Variants in PRKN observed in about 807,000 individuals in gnomAD.
The protein encoded by PRKN is parkin RBR E3 ubiquitin protein ligase, also known as E3 ubiquitin-protein ligase parkin.
Under a neutral mutation model 59.5 loss-of-function variants are expected in PRKN, and 56 were observed. That is an observed-to-expected ratio of 0.94 (90% CI 0.76 to 1.18). The LOEUF is 1.18. PRKN is among the 50% of genes most tolerant of loss of function. The probability of loss-of-function intolerance (pLI) is 0.00; values close to 1 mark genes in which losing one functional copy is unlikely to be tolerated. For missense variants in PRKN, 657 were observed against 596.4 expected (o/e 1.10, Z -1.06); for synonymous variants, 250 against 222.1 (o/e 1.13, Z -1.12).
At chr6:161,984,967 C>T (rs771500723) in intron 5 of PRKN, among the ~76,000 whole-genome samples, 12 of 152,068 alleles carry the variant, frequency 7.9e-5, no homozygotes, top group Non-Finnish European at 8.8e-5. Flanking sequence ...GAAACTGGAT[C>T]GGGATTACAC....
intron 1 of PRKN, among the ~76,000 whole-genome samples, chr6:162,648,648 C>T (rs1778292792): frequency 6.6e-6 from 1 of 152,176 alleles, no homozygotes; most frequent in African/African-American, 2.4e-5. Flanking sequence ...TCCCAAAGTG[C>T]TGGGATTACA....
chr6:161,356,630 CG>C lies in PRKN; in HGVS notation c.1285+3457del, dbSNP rs983532779. 5.3e-5 allele frequency among the ~76,000 whole-genome samples: 8 copies of C among 151,986 alleles called. No homozygotes were observed. The highest frequency in any genetic ancestry group is 1.9e-4 in the African/African-American group (8 of 41,362). ...AGAGCACGGGGAAGGCCGTGGTGAC[CG>C]GGGATTGAATGCAGGGTGAGGAAGA... On this transcript the variant is annotated intron_variant, in intron 11 of 11. Transcript: ENST00000366898. This position sits in a 1 kb window ranked among gnomAD's most constrained non-coding sequence, Gnocchi z 7.8.
chr6:161,562,841 G>C lies in PRKN; in HGVS notation c.933+6514C>G, dbSNP rs1780507901. Among the ~76,000 whole-genome samples the C allele has an allele frequency of 6.6e-6, 1 of 152,184 alleles. No homozygotes were observed. The highest frequency in any genetic ancestry group is 1.5e-5 in the Non-Finnish European group (1 of 68,034). On this transcript the variant is annotated intron_variant, in intron 8 of 11. Coordinates refer to ENST00000366898, the MANE Select transcript of PRKN (RefSeq NM_004562.3). This position sits in a 1 kb window ranked among gnomAD's most constrained non-coding sequence, Gnocchi z 4.3. ...CCAGAGCCTCTCCATATTGCAACAAGATTGACATACTCAAAATGTAATTTG... is the reference window on the plus strand; with the variant it reads ...CCAGAGCCTCTCCATATTGCAACAACATTGACATACTCAAAATGTAATTTG...
chr6:161,502,762 G>A lies in PRKN; in HGVS notation c.1083+46092C>T, dbSNP rs1019766797. On this transcript the variant is annotated intron_variant, in intron 9 of 11. Transcript: ENST00000366898. This position sits in a 1 kb window ranked among gnomAD's most constrained non-coding sequence, Gnocchi z 4.0. The stretch of plus-strand genomic sequence containing the variant: ...GCAGTGTCGGTGAGGGTATGAGGTG[G>A]CTCTGATCCATGCTCTACGGTGAAT... 2.0e-5 allele frequency among the ~76,000 whole-genome samples: 3 copies of A among 152,142 alleles called. No individual in the cohort carries two copies. Among genetic ancestry groups the A allele is most frequent in the South Asian group, 4.1e-4 (2 of 4,822 alleles).
At chr6:161,649,341 T>C (rs1291359223) in intron 7 of PRKN, among the ~76,000 whole-genome samples, 2 of 152,168 alleles carry the variant, frequency 1.3e-5, no homozygotes, top group African/African-American at 2.4e-5. Flanking sequence ...TTCAACTCAT[T>C]ATTGTCATGA....
At chr6:161,491,588 C>T (rs1004382030) in intron 9 of PRKN, among the ~76,000 whole-genome samples, 1 of 152,064 alleles carries the variant, frequency 6.6e-6, no homozygotes, top group African/African-American at 2.4e-5. Flanking sequence ...CAAATCCCAG[C>T]CATTTCATTT....
chr6:161,977,498 T>C (rs1781075402), intron 5 of PRKN, among the ~76,000 whole-genome samples: 1 of 151,960 alleles, frequency 6.6e-6, no homozygotes, highest in Non-Finnish European at 1.5e-5. Flanking sequence ...ATCTGCCTTT[T>C]GATCTGGAGA....
At chr6:162,205,166 C>T (rs1342901201) in intron 3 of PRKN, among the ~76,000 whole-genome samples, 2 of 152,086 alleles carry the variant, frequency 1.3e-5, no homozygotes, top group African/African-American at 4.8e-5. Flanking sequence ...CGGCCAAGTC[C>T]ATCTTCTTCT....
chr6:161,370,007 G>C (rs1462746825), intron 10 of PRKN: 2 of 443,854 alleles, frequency 4.5e-6, no homozygotes, highest in Non-Finnish European at 9.2e-6. Flanking sequence ...TGTTTTCTAT[G>C]ATCACCACCA....
chr6:162,275,722 T>C (rs1583302045), intron 2 of PRKN, among the ~76,000 whole-genome samples: 1 of 152,006 alleles, frequency 6.6e-6, no homozygotes, highest in South Asian at 2.1e-4. Flanking sequence ...GAAGCAGAGG[T>C]TGCAGTGAAC....
At chr6:162,125,203 T>G (rs1781076455) in intron 4 of PRKN, among the ~76,000 whole-genome samples, 1 of 152,134 alleles carries the variant, frequency 6.6e-6, no homozygotes, top group Non-Finnish European at 1.5e-5. Flanking sequence ...AGCACATCCC[T>G]AAATACAGCC....
chr6:162,687,743 C>G (rs1777626254), intron 1 of PRKN, among the ~76,000 whole-genome samples: 1 of 152,124 alleles, frequency 6.6e-6, no homozygotes, highest in African/African-American at 2.4e-5. Context: ...CTTTTTTATA[C>G]AAGCCAAACC....
chr6:162,084,355 T>C (rs758379354), intron 4 of PRKN, among the ~76,000 whole-genome samples: 1 of 152,146 alleles, frequency 6.6e-6, no homozygotes, highest in African/African-American at 2.4e-5. Flanking sequence ...GGAGTCAACA[T>C]CTGTACATGA....
intron 3 of PRKN, among the ~76,000 whole-genome samples, chr6:162,228,444 G>A (rs56784729): frequency 0.17 from 25,791 of 152,050 alleles, 3,010 homozygotes; most frequent in East Asian, 0.59. Context: ...TATTGGTAAT[G>A]AGAGTCCCAG....
At chr6:162,405,370 T>G (rs776278839) in intron 2 of PRKN, among the ~76,000 whole-genome samples, 130 of 152,308 alleles carry the variant, frequency 8.5e-4, no homozygotes, top group Non-Finnish European at 1.5e-3. Flanking sequence ...CCCTCACACA[T>G]GCTTGGACAT....
intron 3 of PRKN, among the ~76,000 whole-genome samples, chr6:162,208,818 C>A (rs539211317): frequency 1.3e-5 from 2 of 152,140 alleles, no homozygotes; most frequent in Non-Finnish European, 2.9e-5. Context: ...AGTTTCCTCA[C>A]AATGACATCT....
rs982171995 is a variant in PRKN, at chr6:161,549,113, A to G, written c.934-110T>C. 3 of 1,202,576 alleles carry G rather than the reference A, an allele frequency of 2.5e-6. No individual in the cohort carries two copies. The East Asian group carries it at 7.5e-5, about 30-fold the overall frequency. 74.5% of individuals were successfully genotyped at this position (1,202,576 alleles called of 1,614,324 possible). A position where few individuals can be genotyped will look rare whatever the true frequency, so the allele number is the denominator to read the frequency against. On this transcript the variant is annotated intron_variant, in intron 8 of 11. Coordinates refer to ENST00000366898, the MANE Select transcript of PRKN (RefSeq NM_004562.3). The surrounding 1 kb of genome is among the most constrained non-coding windows in gnomAD (Gnocchi z 6.0). ...CTTGCTTAACCAGTTTCAGTAAAAT[A>G]ATGCATGTGTGTGTGTGTGTGTGTG...
At chr6:161,564,449 A>G (rs1477631713) in intron 8 of PRKN, among the ~76,000 whole-genome samples, 2 of 152,150 alleles carry the variant, frequency 1.3e-5, no homozygotes, top group Non-Finnish European at 2.9e-5. Context: ...ACTCATGGGC[A>G]ATCAGCAGTA....
At chr6:161,882,381 G>C (rs1458196076) in intron 6 of PRKN, among the ~76,000 whole-genome samples, 1 of 152,156 alleles carries the variant, frequency 6.6e-6, no homozygotes, top group Non-Finnish European at 1.5e-5. Flanking sequence ...CAGGTGGTGC[G>C]GCCCTCCAGG....
Sources: gnomAD v4.1 joint callset for allele counts (sites outside exome capture counted in the v4.1 genomes callset) on GRCh38, gnomAD v4.1.1 for gene constraint, Gnocchi (gnomAD v3.1) non-coding constraint, MANE v1.5 for transcripts, NCBI Gene and HGNC (gene_info 2026-07-23, HGNC 2026-07-21) for gene names.